KHDRBS2: variants seen among roughly 807,000 people sequenced by gnomAD.
The protein encoded by KHDRBS2 is KH RNA binding domain containing, signal transduction associated 2.
Under a neutral mutation model 44.3 loss-of-function variants are expected in KHDRBS2, and 26 were observed. That is an observed-to-expected ratio of 0.59 (90% CI 0.43 to 0.81). The LOEUF is 0.81. KHDRBS2 is among the 40% of genes least tolerant of loss of function. The pLI, the probability that KHDRBS2 is intolerant of heterozygous loss-of-function variation, is 0.00. For missense variants in KHDRBS2, 476 were observed against 433.1 expected, an observed-to-expected ratio of 1.10 and a Z score of -0.88; for synonymous variants, 194 against 151.1, an observed-to-expected ratio of 1.28 and a Z score of -2.08.
intron 1 of KHDRBS2, among the ~76,000 whole-genome samples, chr6:62,283,945 C>G (rs918507076): frequency 1.3e-5 from 2 of 152,046 alleles, no homozygotes; most frequent in African/African-American, 4.8e-5. Context: ...CTCTTTGTTT[C>G]TTACTTAGAT....
chr6:61,825,016 T>C (rs1181313234), intron 6 of KHDRBS2, among the ~76,000 whole-genome samples: 1 of 152,136 alleles, frequency 6.6e-6, no homozygotes, highest in African/African-American at 2.4e-5. Flanking sequence ...CATTTCACAA[T>C]TCTTATCTGG....
intron 3 of KHDRBS2, among the ~76,000 whole-genome samples, chr6:62,021,928 A>G (rs1057091292): frequency 3.5e-5 from 5 of 144,244 alleles, no homozygotes; most frequent in Non-Finnish European, 6.1e-5. Flanking sequence ...TTTTGTGTAT[A>G]TATATATATA....
At chr6:61,879,571 C>A (rs1215531567) in intron 6 of KHDRBS2, among the ~76,000 whole-genome samples, 1 of 151,852 alleles carries the variant, frequency 6.6e-6, no homozygotes, top group Non-Finnish European at 1.5e-5. Context: ...AACTAAAGCC[C>A]TAACATTTTT....
At chr6:61,648,112 C>A in the KHDRBS2 span, among the ~76,000 whole-genome samples, 1 of 151,854 alleles carries the variant, frequency 6.6e-6, no homozygotes, top group Non-Finnish European at 1.5e-5. Flanking sequence ...CCTATTTTTT[C>A]TTTTATTTTA....
chr6:61,628,239 TTTCA>T, the KHDRBS2 span, among the ~76,000 whole-genome samples: 4 of 53,624 alleles, frequency 7.5e-5, no homozygotes, highest in African/African-American at 3.8e-4. Context: ...TTTTTTTTTT[TTTCA>T]ACCTGGGCTG....
the KHDRBS2 span, among the ~76,000 whole-genome samples, chr6:61,572,962 T>C: frequency 3.9e-5 from 6 of 152,178 alleles, no homozygotes; most frequent in Admixed American, 3.9e-4. Context: ...CTGGAAGTCC[T>C]AGCCAGAGTA....
intron 8 of KHDRBS2, among the ~76,000 whole-genome samples, chr6:61,692,420 T>C (rs1216356314): frequency 6.6e-6 from 1 of 151,806 alleles, no homozygotes; most frequent in African/African-American, 2.4e-5. Flanking sequence ...TAATAAGTCA[T>C]TTATAATTTT....
chr6:61,959,668 A>T (rs115698311), intron 4 of KHDRBS2, among the ~76,000 whole-genome samples: 1,969 of 152,286 alleles, frequency 0.013, 48 homozygotes, highest in African/African-American at 0.044. Flanking sequence ...AATAGAAAGT[A>T]GACTCTGCCA....
At chr6:61,949,752 A>G (rs1764361794) in intron 4 of KHDRBS2, among the ~76,000 whole-genome samples, 1 of 152,070 alleles carries the variant, frequency 6.6e-6, no homozygotes, top group South Asian at 2.1e-4. Context: ...TTTTAAAAGA[A>G]TAATGCATAT....
chr6:61,973,940 T>C (rs935963054), intron 4 of KHDRBS2, among the ~76,000 whole-genome samples: 5 of 152,142 alleles, frequency 3.3e-5, no homozygotes, highest in African/African-American at 7.2e-5. Context: ...AAAAAAGCAA[T>C]CTATTTGTTA....
chr6:61,945,007 CTCCAA>C (rs1436293459), intron 4 of KHDRBS2, among the ~76,000 whole-genome samples: 2 of 149,204 alleles, frequency 1.3e-5, no homozygotes, highest in Non-Finnish European at 3.0e-5. Context: ...AGGAGAATGT[CTCCAA>C]TCTGGGAGGC....
intron 6 of KHDRBS2, among the ~76,000 whole-genome samples, chr6:61,840,537 C>T (rs1562279236): frequency 6.6e-6 from 1 of 152,066 alleles, no homozygotes; most frequent in Admixed American, 6.6e-5. Context: ...AACCAAGATG[C>T]CACCAGATAA....
At chr6:62,103,693 G>A (rs1012355221) in intron 2 of KHDRBS2, among the ~76,000 whole-genome samples, 1 of 152,124 alleles carries the variant, frequency 6.6e-6, no homozygotes, top group African/African-American at 2.4e-5. Context: ...TGGCTCTGCA[G>A]AGAGTACAAG....
At chr6:61,919,827 T>A (rs1205382077) in intron 4 of KHDRBS2, among the ~76,000 whole-genome samples, 2 of 151,908 alleles carry the variant, frequency 1.3e-5, no homozygotes, top group Admixed American at 1.3e-4. Flanking sequence ...TGCTCTGTCT[T>A]TTTGGGAAGA....
intron 6 of KHDRBS2, among the ~76,000 whole-genome samples, chr6:61,857,737 G>A: frequency 6.6e-6 from 1 of 152,010 alleles, no homozygotes; most frequent in Non-Finnish European, 1.5e-5. Context: ...ACCTCAAGCA[G>A]GGCAATGCCG....
At chr6:62,247,079 T>C (rs1261953113) in intron 1 of KHDRBS2, among the ~76,000 whole-genome samples, 1 of 151,938 alleles carries the variant, frequency 6.6e-6, no homozygotes, top group Admixed American at 6.6e-5. Flanking sequence ...TCTTAAAGTA[T>C]AGAGAAATAG....
chr6:61,923,376 G>A (rs186241454), intron 4 of KHDRBS2, among the ~76,000 whole-genome samples: 1 of 152,038 alleles, frequency 6.6e-6, no homozygotes, highest in East Asian at 1.9e-4. Context: ...ACAATTTAAA[G>A]GAATTAGAAA....
At chr6:61,913,071 C>T (rs1806339333) in intron 4 of KHDRBS2, among the ~76,000 whole-genome samples, 2 of 152,070 alleles carry the variant, frequency 1.3e-5, no homozygotes. Flanking sequence ...GAATGCAAGT[C>T]ATAAATTTTC....
At chr6:61,767,758 T>C (rs1205498771) in intron 6 of KHDRBS2, among the ~76,000 whole-genome samples, 1 of 152,182 alleles carries the variant, frequency 6.6e-6, no homozygotes, top group Admixed American at 6.5e-5. Flanking sequence ...AGAAAACTAA[T>C]AATAACTCTA....
Sources: gnomAD v4.1 joint callset for allele counts (sites outside exome capture counted in the v4.1 genomes callset) on GRCh38, gnomAD v4.1.1 for gene constraint, MANE v1.5 for transcripts, NCBI Gene and HGNC (gene_info 2026-07-23, HGNC 2026-07-21) for gene names.